RFX1: variants seen among roughly 807,000 people sequenced by gnomAD.
The protein encoded by RFX1 is MHC class II regulatory factor RFX1.
A neutral mutation model predicts 119.6 loss-of-function variants in RFX1; 42 were observed. The ratio of observed to expected loss-of-function variants is 0.35; its 90% CI spans 0.27 to 0.45. The LOEUF is 0.45. Among genes scored for constraint, RFX1 ranks in the 20% least tolerant of loss-of-function variants. The pLI is 1.00. For missense variants in RFX1, 1,118 were observed against 1,368.1 expected (o/e 0.82, Z 2.88); for synonymous variants, 628 against 618.5 (o/e 1.02, Z -0.23).
intron 8 of RFX1, among the ~76,000 whole-genome samples, chr19:13,974,670 G>A (rs1208609551): frequency 6.6e-6 from 1 of 152,182 alleles, no homozygotes; most frequent in Non-Finnish European, 1.5e-5. Context: ...GGGACAGGCA[G>A]GGGGCACCTC....
chr19:13,966,306 T>C lies in RFX1; in HGVS notation c.1961+115A>G. ...CACACTCCACACAGCCAAGGATATG[T>C]GTACCCCACAAACTGCAGGGGACAA... On this transcript the variant is annotated intron_variant, in intron 14 of 20. Coordinates refer to ENST00000254325, the MANE Select transcript of RFX1 (RefSeq NM_002918.5). This position sits in a 1 kb window ranked among gnomAD's most constrained non-coding sequence, Gnocchi z 6.3. 2 of 659,948 alleles carry C rather than the reference T, an allele frequency of 3.0e-6. No individual in the cohort carries two copies. The highest frequency in any genetic ancestry group is 5.4e-6 in the Non-Finnish European group (2 of 372,168). The allele number at this position is 659,948 out of a possible 1,614,324, so 40.9% of individuals were successfully genotyped here. A position where few individuals can be genotyped will look rare whatever the true frequency, so the allele number is the denominator to read the frequency against.
At position 13,963,843 on chromosome 19, in the gene RFX1, C is replaced by G; in HGVS notation, c.2361+15G>C. On this transcript the variant is annotated intron_variant, in intron 17 of 20. Transcript: ENST00000254325. ...CTGCCCCTCATTCGCCCGCCCCGCC[C>G]CGCCCCGCGCTCACCTGCACGTTGG... The G allele has an allele frequency of 6.5e-7, 1 of 1,528,572 alleles. No individual in the cohort carries two copies. The allele number at this position is 1,528,572 out of a possible 1,614,324, so 94.7% of individuals were successfully genotyped here.
intron 9 of RFX1, among the ~76,000 whole-genome samples, chr19:13,971,109 G>A (rs865928219): frequency 2.2e-4 from 33 of 152,084 alleles, no homozygotes; most frequent in African/African-American, 6.7e-4. Context: ...CGAGGCGGGC[G>A]GATCACCTGA....
chr19:13,998,092 T>C (rs1399536170), intron 1 of RFX1: 1 of 152,186 alleles, frequency 6.6e-6, no homozygotes, highest in Non-Finnish European at 1.5e-5. Context: ...TGGCGCTATG[T>C]CTTAACTCAT....
At position 13,963,703 on chromosome 19, in the gene RFX1, T is replaced by A; in HGVS notation, c.2405A>T (p.Gln802Leu). The A allele has an allele frequency of 6.2e-6, 10 of 1,604,440 alleles. No individual in the cohort carries two copies. The highest frequency in any genetic ancestry group is 8.5e-6 in the Non-Finnish European group (10 of 1,177,564). Residue 802 changes from glutamine (Q) to leucine (L), a missense_variant, in exon 18 of 21, where the codon CAG becomes CTG. Gln to Leu is a moderately radical substitution (Grantham distance 113). Coordinates refer to ENST00000254325, the MANE Select transcript of RFX1 (RefSeq NM_002918.5). ...CACCTTGAAGTCCTGCTCCAGCCGC[T>A]GCACCACGCGGTCCTCGCAGCGGCA... is the stretch of plus-strand genomic sequence containing the variant. ...WVCRCEDRVV[Q>L]RLEQDFKVTL...
At chr19:13,997,944 A>G (rs190455268) in intron 1 of RFX1, among the ~76,000 whole-genome samples, 194 of 152,048 alleles carry the variant, frequency 1.3e-3, no homozygotes, top group African/African-American at 4.5e-3. Flanking sequence ...GCCCTCCCCA[A>G]ACTCCTTTCT....
At position 13,985,270 on chromosome 19, in the gene RFX1, C is replaced by T. The variant is rs576502957; in HGVS notation, c.320-1675G>A. ...TCTGCTCACTGAAATCTCCGCCTCC[C>T]GGTTCAAGTGATTCTCCTGCCTCAA... is the stretch of plus-strand genomic sequence containing the variant. On this transcript the variant is annotated intron_variant, in intron 2 of 20. Coordinates refer to ENST00000254325, the MANE Select transcript of RFX1 (RefSeq NM_002918.5). This position sits in a 1 kb window ranked among gnomAD's most constrained non-coding sequence, Gnocchi z 4.3. Among the ~76,000 whole-genome samples, 21 of 152,112 alleles carry T rather than the reference C, an allele frequency of 1.4e-4. No individual in the cohort carries two copies. The highest frequency in any genetic ancestry group is 3.9e-4 in the African/African-American group (16 of 41,464).
chr19:13,967,390 G>A (rs1326757876), intron 12 of RFX1, among the ~76,000 whole-genome samples: 1 of 151,636 alleles, frequency 6.6e-6, no homozygotes, highest in African/African-American at 2.4e-5. Context: ...TGCCCAGGCT[G>A]GTCTCCAACT....
chr19:14,005,967 C>G (rs2145656336), intron 1 of RFX1, 136 bp downstream of exon 1: 1 of 150,866 alleles, frequency 6.6e-6, no homozygotes, highest in Non-Finnish European at 1.5e-5. Flanking sequence ...GCCCCCTCCC[C>G]CACGGTCCAG....
At position 13,993,601 on chromosome 19, in the gene RFX1, T is replaced by C. The variant is rs777536818; in HGVS notation, c.243A>G (p.Val81=). 4.3e-6 allele frequency: 7 copies of C among 1,611,752 alleles called. No homozygotes were observed. The highest frequency in any genetic ancestry group is 5.9e-6 in the Non-Finnish European group (7 of 1,179,058). Residue 81 remains valine (V), a synonymous_variant, in exon 2 of 21, where the codon GTA becomes GTG. Coordinates refer to ENST00000254325, the MANE Select transcript of RFX1 (RefSeq NM_002918.5). ...QKQYVTELPA[V]PAPSQPTGAP... Reference sequence around the variant, plus strand: ...CACCGGTTGGCTGCGAGGGTGCGGGTACAGCCGGGAGCTCCGTCACGTACT... The same window carrying C: ...CACCGGTTGGCTGCGAGGGTGCGGGCACAGCCGGGAGCTCCGTCACGTACT...
rs925221239 is a variant in RFX1 at position 13,968,052 on chromosome 19, G to A, written c.1732+513C>T. 2.6e-5 allele frequency among the ~76,000 whole-genome samples: 4 copies of A among 151,952 alleles called. No homozygotes were observed. Among genetic ancestry groups the A allele is most frequent in the African/African-American group, 4.8e-5 (2 of 41,402 alleles). On this transcript the variant is annotated intron_variant, in intron 12 of 20. Coordinates refer to ENST00000254325, the MANE Select transcript of RFX1 (RefSeq NM_002918.5). This position sits in a 1 kb window ranked among gnomAD's most constrained non-coding sequence, Gnocchi z 5.5. ...GAGGATCACTTCAGGTCAGGAGTTC[G>A]AGACCAGCCTAGCCAAGATGGTGAA...
At chr19:13,976,056 C>A (rs1974246605) in intron 8 of RFX1, among the ~76,000 whole-genome samples, 1 of 152,262 alleles carries the variant, frequency 6.6e-6, no homozygotes, top group Admixed American at 6.5e-5. Flanking sequence ...CCCTTGGACA[C>A]CGTGTTCCTC....
chr19:13,997,657 C>T (rs931643758), intron 1 of RFX1, among the ~76,000 whole-genome samples: 6 of 152,250 alleles, frequency 3.9e-5, no homozygotes, highest in Non-Finnish European at 8.8e-5. Context: ...GCCCTCTGGG[C>T]TTGCGGCAGG....
Position 13,978,087 on chromosome 19 carries a change from C to A in RFX1, c.835-1G>T, listed in dbSNP as rs1325181484. The stretch of plus-strand genomic sequence containing the variant: ...CGGGCACCTGCTGGAGCTGCTGCAC[C>A]TGGGGCAGAGGAAGGGCACGTGGAG... On this transcript the variant is annotated splice_acceptor_variant, in intron 7 of 20. Coordinates refer to ENST00000254325, the MANE Select transcript of RFX1 (RefSeq NM_002918.5). LOFTEE classifies it high-confidence loss of function. 6.2e-7 allele frequency: 1 copy of A among 1,612,420 alleles called. No homozygotes were observed. The highest frequency in any genetic ancestry group is 1.3e-5 in the African/African-American group (1 of 75,048).
In RFX1 at chr19:13,968,517, G is replaced by C; in HGVS notation, c.1732+48C>G. ...ATCCAGCTTTGGGAACCGTCTGCAC[G>C]GGGCAGGGAGGCGGTGGTTGGGGAA... is the stretch of plus-strand genomic sequence containing the variant. On this transcript the variant is annotated intron_variant, in intron 12 of 20. Transcript: ENST00000254325. This position sits in a 1 kb window ranked among gnomAD's most constrained non-coding sequence, Gnocchi z 5.5. 1 of 1,468,070 alleles carries C rather than the reference G, an allele frequency of 6.8e-7. No individual in the cohort carries two copies. Among genetic ancestry groups the C allele is most frequent in the Non-Finnish European group, 9.5e-7 (1 of 1,048,472 alleles). 90.9% of individuals were successfully genotyped at this position (1,468,070 alleles called of 1,614,324 possible). A position where few individuals can be genotyped will look rare whatever the true frequency, so the allele number is the denominator to read the frequency against.
At chr19:13,978,582 A>C (rs971379677) in intron 7 of RFX1, among the ~76,000 whole-genome samples, 2 of 151,968 alleles carry the variant, frequency 1.3e-5, no homozygotes, top group African/African-American at 4.8e-5. Flanking sequence ...GCAGGGGCGG[A>C]GCTGGGACCT....
At chr19:13,991,268 A>T (rs906478286) in intron 2 of RFX1, among the ~76,000 whole-genome samples, 1 of 152,160 alleles carries the variant, frequency 6.6e-6, no homozygotes, top group Non-Finnish European at 1.5e-5. Flanking sequence ...AGTATAAGAC[A>T]AAGGTGATGG....
chr19:13,983,396 G>T, intron 3 of RFX1, 90 bp downstream of exon 3: 1 of 1,236,902 alleles, frequency 8.1e-7, no homozygotes, highest in East Asian at 2.5e-5. Flanking sequence ...CCAGCAGGAA[G>T]CGGGGAGGGG....
At chr19:13,977,907 TGGGACTG>T in intron 8 of RFX1, 78 bp downstream of exon 8, 1 of 1,059,072 alleles carries the variant, frequency 9.4e-7, no homozygotes, top group Non-Finnish European at 1.4e-6. Context: ...TGCTGGGGGC[TGGGACTG>T]GGGACTGGTG....
Sources: gnomAD v4.1 joint callset for allele counts (sites outside exome capture counted in the v4.1 genomes callset) on GRCh38, gnomAD v4.1.1 for gene constraint, Gnocchi (gnomAD v3.1) non-coding constraint, MANE v1.5 for transcripts, NCBI Gene and HGNC (gene_info 2026-07-23, HGNC 2026-07-21) for gene names.